IARS2: variants seen among roughly 807,000 people sequenced by gnomAD.
IARS2 encodes isoleucyl-tRNA synthetase 2, mitochondrial.
IARS2 carries 56 observed loss-of-function variants against 126.3 expected under a neutral mutation model. The ratio of observed to expected loss-of-function variants is 0.44; its 90% confidence interval spans 0.36 to 0.55. IARS2 has a LOEUF of 0.55. Ranked by LOEUF, IARS2 falls within the 20% of genes least tolerant of loss-of-function variation. The pLI is 0.00. For missense variants in IARS2, 1,127 were observed against 1,245.9 expected (o/e 0.90, Z 1.44); for synonymous variants, 407 against 441.1 (o/e 0.92, Z 0.97).
chr1:220,129,152 G>T (rs1419114594), intron 14 of IARS2, among the ~76,000 whole-genome samples: 4 of 152,096 alleles, frequency 2.6e-5, no homozygotes, highest in African/African-American at 9.7e-5. Flanking sequence ...AAAGTGCTGG[G>T]ATTACAGACG....
chr1:220,108,350 T>A (rs1656722982), intron 10 of IARS2, among the ~76,000 whole-genome samples: 1 of 151,162 alleles, frequency 6.6e-6, no homozygotes, highest in Admixed American at 6.6e-5. Flanking sequence ...GCGTGAGCCC[T>A]CACTGTGTCA....
Position 220,142,061 on chromosome 1 carries a change from G to A in IARS2, c.2560+113G>A, listed in dbSNP as rs550116320. 6.6e-5 allele frequency: 62 copies of A among 935,486 alleles called. No individual in the cohort carries two copies. In the East Asian group the frequency reaches 1.3e-3, roughly 20 times the overall value. The allele number at this position is 935,486 out of a possible 1,614,324, so 57.9% of individuals were successfully genotyped here. A position where few individuals can be genotyped will look rare whatever the true frequency, so the allele number is the denominator to read the frequency against. On this transcript the variant is annotated intron_variant, in intron 20 of 22. Transcript: ENST00000366922. Reference sequence around the variant, plus strand: ...CTTATCCATTTACAGTGACTGCTGTGTGACACAGTGTGTCTTGGTCATGTA... The same window carrying A: ...CTTATCCATTTACAGTGACTGCTGTATGACACAGTGTGTCTTGGTCATGTA...
In IARS2 at chr1:220,106,005, C is replaced by T; in HGVS notation, c.1181C>T (p.Ala394Val). The T allele has an allele frequency of 6.2e-7, 1 of 1,614,072 alleles. No individual in the cohort carries two copies. Among genetic ancestry groups the T allele is most frequent in the South Asian group, 1.1e-5 (1 of 91,078 alleles). The change falls in exon 9 of 23, where the codon GCC (alanine) becomes GTC (valine). Residue 394 changes from alanine (A) to valine (V), a missense_variant. Transcript: ENST00000366922. ...AAAGGAACGGGATTGGTTCACACAG[C>T]CCCAGCTCATGGTATGGAAGACTAC... ...MAKGTGLVHT[A>V]PAHGMEDYGV...
chr1:220,141,920 G>A lies in IARS2; in HGVS notation c.2532G>A (p.Glu844=). ...CCATTCTTCCTCACCTGGCTGAAGA[G>A]GTGTTCCAGCACATACCTTATATTA... The part of the protein sequence containing the change: ...FAPILPHLAE[E]VFQHIPYIKE... Residue 844 remains glutamate (E), a synonymous_variant, in exon 20 of 23, where the codon GAG becomes GAA. Transcript: ENST00000366922. 1 of 1,614,086 alleles carries A rather than the reference G, an allele frequency of 6.2e-7. No homozygotes were observed. Among genetic ancestry groups the A allele is most frequent in the Non-Finnish European group, 8.5e-7 (1 of 1,179,976 alleles).
At chr1:220,142,107 T>TAA (rs1273865907) in intron 20 of IARS2, among the ~76,000 whole-genome samples, 159 bp downstream of exon 20, 2 of 152,216 alleles carry the variant, frequency 1.3e-5, no homozygotes, top group Admixed American at 6.5e-5. Flanking sequence ...CACCTATTTG[T>TAA]AGAGGAGTAG....
intron 12 of IARS2, among the ~76,000 whole-genome samples, chr1:220,122,580 C>A (rs1558126352): frequency 6.6e-6 from 1 of 152,160 alleles, no homozygotes; most frequent in Non-Finnish European, 1.5e-5. Context: ...CTGTTACTTG[C>A]TTAGCTTCAT....
intron 9 of IARS2, among the ~76,000 whole-genome samples, chr1:220,106,733 A>T (rs1656688979): frequency 6.6e-6 from 1 of 151,434 alleles, no homozygotes; most frequent in Non-Finnish European, 1.5e-5. Context: ...CCAGGGTTCA[A>T]GCGATTCTCC....
chr1:220,144,360 G>A, intron 21 of IARS2: 1 of 659,442 alleles, frequency 1.5e-6, no homozygotes, highest in Non-Finnish European at 2.7e-6. Context: ...TTGTGGTGGT[G>A]CAGAAAGACG....
At chr1:220,096,424 T>G (rs913910355) in intron 2 of IARS2, among the ~76,000 whole-genome samples, 198 bp downstream of exon 2, 1 of 152,210 alleles carries the variant, frequency 6.6e-6, no homozygotes, top group Non-Finnish European at 1.5e-5. Flanking sequence ...TAACGTTATA[T>G]TAGTAAACAT....
At chr1:220,097,582 C>G (rs188928630) in intron 2 of IARS2, among the ~76,000 whole-genome samples, 1,711 of 151,940 alleles carry the variant, frequency 0.011, 17 homozygotes, top group Non-Finnish European at 0.017. Flanking sequence ...CCAGGATGGT[C>G]TCGATCTCCT....
intron 13 of IARS2, among the ~76,000 whole-genome samples, chr1:220,125,841 G>A (rs764616418): frequency 1.8e-4 from 27 of 151,762 alleles, no homozygotes; most frequent in Admixed American, 1.8e-3. Flanking sequence ...GCGCAGTGGT[G>A]CACACCTGTA....
rs997455717 is a variant in IARS2, at chr1:220,147,843, ATGTG to A, written c.*216_*219del. On this transcript the variant is annotated 3_prime_UTR_variant, in exon 23 of 23. Transcript: ENST00000366922. The stretch of plus-strand genomic sequence containing the variant: ...TGTATATATACATGCAGAAATATAT[ATGTG>A]TGTGTGTATCTGTGGATGGATATAT... 2.7e-5 allele frequency: 15 copies of A among 558,110 alleles called. No homozygotes were observed. The highest frequency in any genetic ancestry group is 1.9e-4 in the East Asian group (7 of 36,120). 34.6% of individuals were successfully genotyped at this position (558,110 alleles called of 1,614,324 possible).
intron 7 of IARS2, 31 bp from the exon 8 acceptor site, chr1:220,103,416 A>AT (rs778845065): frequency 8.4e-7 from 1 of 1,192,436 alleles, no homozygotes; most frequent in Non-Finnish European, 1.2e-6. Flanking sequence ...TTGTTTCATT[A>AT]TTAGTAATTT....
intron 16 of IARS2, 140 bp from the exon 17 acceptor site, chr1:220,137,778 C>G: frequency 1.2e-6 from 1 of 817,254 alleles, no homozygotes; most frequent in Non-Finnish European, 1.9e-6. Context: ...ATTGTTAGCC[C>G]GCATTTCATT....
At chr1:220,099,426 A>G (rs1476853782) in intron 2 of IARS2, among the ~76,000 whole-genome samples, 1 of 152,194 alleles carries the variant, frequency 6.6e-6, no homozygotes, top group Non-Finnish European at 1.5e-5. Context: ...TTCGTAAAAC[A>G]TGTTTGAAAT....
intron 12 of IARS2, among the ~76,000 whole-genome samples, chr1:220,120,672 G>A (rs1053348392): frequency 5.3e-5 from 8 of 152,108 alleles, no homozygotes; most frequent in East Asian, 3.9e-4. Context: ...CACCGTGCCC[G>A]CCCAAAATTA....
intron 12 of IARS2, among the ~76,000 whole-genome samples, chr1:220,121,963 GGCCTGTAGTCCCA>G (rs1657060336): frequency 6.6e-6 from 1 of 152,002 alleles, no homozygotes; most frequent in South Asian, 2.1e-4. Context: ...TGTTGGCATG[GGCCTGTAGTCCCA>G]GCTACTCAGG....
At chr1:220,113,741 C>T in intron 11 of IARS2, among the ~76,000 whole-genome samples, 1 of 152,134 alleles carries the variant, frequency 6.6e-6, no homozygotes, top group East Asian at 1.9e-4. Context: ...AACTCTTGGG[C>T]TCAAGTGATC....
intron 14 of IARS2, among the ~76,000 whole-genome samples, chr1:220,127,290 C>T (rs952731357): frequency 6.6e-6 from 1 of 152,202 alleles, no homozygotes; most frequent in Non-Finnish European, 1.5e-5. Flanking sequence ...CCCTGATTTT[C>T]AGTTCTCATC....
Sources: allele counts gnomAD v4.1 joint callset (sites outside exome capture counted in the v4.1 genomes callset), GRCh38; gene constraint gnomAD v4.1.1; transcripts MANE v1.5; gene names NCBI Gene and HGNC (gene_info 2026-07-23, HGNC 2026-07-21).